Variants in BBIP1 observed in about 807,000 individuals in gnomAD.
BBIP1 encodes BBSome interacting protein 1.
Under a neutral mutation model 8.9 loss-of-function variants are expected in BBIP1, and 6 were observed. That is an observed-to-expected ratio of 0.67 (90% CI 0.37 to 1.33). The LOEUF (loss-of-function observed/expected upper bound fraction) is 1.33. Among genes scored for constraint, BBIP1 ranks in the 40% most tolerant of loss-of-function variants. The pLI is 0.02. For missense variants in BBIP1, 111 were observed against 109.2 expected, an observed-to-expected ratio of 1.02 and a Z score of -0.07; for synonymous variants, 32 against 33.4, an observed-to-expected ratio of 0.96 and a Z score of 0.14.
chr10:110,902,262 A>C (rs1308386970), intron 2 of BBIP1: 1 of 153,332 alleles, frequency 6.5e-6, no homozygotes. Context: ...AAGGACCAAC[A>C]ATATTTAACT....
chr10:110,914,557 TA>T (rs1183961377), intron 2 of BBIP1, among the ~76,000 whole-genome samples: 1 of 152,204 alleles, frequency 6.6e-6, no homozygotes, highest in African/African-American at 2.4e-5. Flanking sequence ...GCAGAATGCT[TA>T]ATTTGGATTG....
chr10:110,917,774 C>T (rs1339039107), intron 2 of BBIP1, among the ~76,000 whole-genome samples: 1 of 152,160 alleles, frequency 6.6e-6, no homozygotes, highest in Admixed American at 6.5e-5. Context: ...GAATCTGATA[C>T]AAACCATTCT....
chr10:110,901,381 G>T (rs1184176414), intron 3 of BBIP1, 157 bp downstream of exon 3: 4 of 603,004 alleles, frequency 6.6e-6, no homozygotes, highest in Non-Finnish European at 1.2e-5. Context: ...TCCTTTTACT[G>T]GATGTCATGA....
At chr10:110,909,791 T>C (rs545655706) in intron 2 of BBIP1, among the ~76,000 whole-genome samples, 2 of 152,348 alleles carry the variant, frequency 1.3e-5, no homozygotes, top group Admixed American at 1.3e-4. Flanking sequence ...GATGTTGTTT[T>C]AGGTGACAAC....
In BBIP1 at chr10:110,904,099, A is replaced by G. The variant is rs1014060802; in HGVS notation, c.38-2487T>C. ...GATTTGCTTAGAGTAATGCACTGTA[A>G]GCAGTTGTGGCTACTTTTAAGAGAA... is the stretch of plus-strand genomic sequence containing the variant. On this transcript the variant is annotated intron_variant, in intron 2 of 3. Transcript: ENST00000448814. 4 of 152,346 alleles carry G rather than the reference A, an allele frequency of 2.6e-5. No homozygotes were observed. In the East Asian group the frequency reaches 7.7e-4, roughly 29 times the overall value. The allele number at this position is 152,346 out of a possible 1,614,324, so 9.4% of individuals were successfully genotyped here. A position where few individuals can be genotyped will look rare whatever the true frequency, so the allele number is the denominator to read the frequency against.
At chr10:110,916,933 ACT>A (rs1846418687) in intron 2 of BBIP1, among the ~76,000 whole-genome samples, 2 of 152,332 alleles carry the variant, frequency 1.3e-5, no homozygotes, top group Middle Eastern at 3.4e-3. Flanking sequence ...TTAACCAGCA[ACT>A]CACGGCAAAG....
At chr10:110,908,421 T>TA (rs1846195453) in intron 2 of BBIP1, among the ~76,000 whole-genome samples, 1 of 152,228 alleles carries the variant, frequency 6.6e-6, no homozygotes, top group Admixed American at 6.5e-5. Context: ...TTCTACTTTC[T>TA]ATTACATGAA....
At chr10:110,915,704 A>T (rs1687977357) in intron 2 of BBIP1, among the ~76,000 whole-genome samples, 1 of 148,630 alleles carries the variant, frequency 6.7e-6, no homozygotes, top group South Asian at 2.1e-4. Flanking sequence ...GCTCGTTTTA[A>T]TTTTTTTTTT....
At chr10:110,914,475 G>C (rs1367609967) in intron 2 of BBIP1, among the ~76,000 whole-genome samples, 9 of 151,708 alleles carry the variant, frequency 5.9e-5, no homozygotes, top group Non-Finnish European at 1.0e-4. Flanking sequence ...GAAAAGGGGA[G>C]CCCAGAAAGA....
chr10:110,908,979 G>A (rs79938072), intron 2 of BBIP1, among the ~76,000 whole-genome samples: 2 of 152,068 alleles, frequency 1.3e-5, no homozygotes, highest in African/African-American at 4.8e-5. Context: ...TTAGGTGCAG[G>A]TGAAAAATGG....
At chr10:110,909,930 G>A (rs140513779) in intron 2 of BBIP1, among the ~76,000 whole-genome samples, 152 of 152,298 alleles carry the variant, frequency 1.0e-3, no homozygotes, top group African/African-American at 3.5e-3. Context: ...TGTACCAGCC[G>A]TAGCTAAGTG....
At position 110,899,314 on chromosome 10, in the gene BBIP1, GT is replaced by G. The variant is rs1333642953; in HGVS notation, c.*1045del. Reference sequence around the variant, plus strand: ...TATAGTCTGTTAGAATTAAAACCAAGTTTAGTGTTCATATTTACCTCATGGG... The same window carrying G: ...TATAGTCTGTTAGAATTAAAACCAAGTTAGTGTTCATATTTACCTCATGGG... On this transcript the variant is annotated 3_prime_UTR_variant, in exon 4 of 4. Transcript: ENST00000448814. The G allele has an allele frequency of 6.6e-6, 1 of 152,082 alleles. No individual in the cohort carries two copies. Among genetic ancestry groups the G allele is most frequent in the Admixed American group, 6.5e-5 (1 of 15,270 alleles). The allele number at this position is 152,082 out of a possible 1,614,324, so 9.4% of individuals were successfully genotyped here.
In BBIP1 at chr10:110,900,641, T is replaced by C. The variant is rs1449942448; in HGVS notation, c.113-115A>G. 5.8e-6 allele frequency: 5 copies of C among 862,064 alleles called. No individual in the cohort carries two copies. In the African/African-American group the frequency reaches 8.7e-5, roughly 15 times the overall value. The allele number at this position is 862,064 out of a possible 1,614,324, so 53.4% of individuals were successfully genotyped here. A position where few individuals can be genotyped will look rare whatever the true frequency, so the allele number is the denominator to read the frequency against. ...TTAATCTCTTGTCACTGAAAAACTC[T>C]TGTACCTAAATTGAGTTTTGCTCTG... On this transcript the variant is annotated intron_variant, in intron 3 of 3. Transcript: ENST00000448814.
chr10:110,901,012 A>G (rs1275314753), intron 3 of BBIP1: 3 of 329,028 alleles, frequency 9.1e-6, no homozygotes, highest in African/African-American at 6.7e-5. Context: ...TGAGTAGGGC[A>G]TGGTAGCTCT....
intron 2 of BBIP1, among the ~76,000 whole-genome samples, chr10:110,915,749 T>C (rs1846387818): frequency 6.6e-6 from 1 of 152,100 alleles, no homozygotes; most frequent in Non-Finnish European, 1.5e-5. Context: ...TGTTGCCCAG[T>C]CTGGAGTGCA....
At chr10:110,909,078 T>C (rs1009287149) in intron 2 of BBIP1, among the ~76,000 whole-genome samples, 1 of 152,172 alleles carries the variant, frequency 6.6e-6, no homozygotes, top group African/African-American at 2.4e-5. Context: ...GGGTGGTGAT[T>C]AACTCAGGCC....
chr10:110,904,534 AAGTT>A (rs1441897476), intron 2 of BBIP1: 1 of 152,236 alleles, frequency 6.6e-6, no homozygotes, highest in Non-Finnish European at 1.5e-5. Context: ...AACTGCAAAA[AAGTT>A]AAAAGTCTGA....
At chr10:110,900,646 C>T (rs1845972310) in intron 3 of BBIP1, 120 bp from the exon 4 acceptor site, 22 of 825,158 alleles carry the variant, frequency 2.7e-5, no homozygotes, top group Non-Finnish European at 3.8e-5. Flanking sequence ...AACTCTTGTA[C>T]CTAAATTGAG....
intron 2 of BBIP1, chr10:110,901,846 AT>A: frequency 2.6e-5 from 12 of 459,108 alleles, no homozygotes; most frequent in East Asian, 3.8e-5. Flanking sequence ...AGGTGTTGTA[AT>A]TTTTTTTCTC....
Sources: allele counts gnomAD v4.1 joint callset (sites outside exome capture counted in the v4.1 genomes callset), GRCh38; gene constraint gnomAD v4.1.1; transcripts MANE v1.5; gene names NCBI Gene and HGNC (gene_info 2026-07-23, HGNC 2026-07-21).